TENM3: variants seen among roughly 807,000 people sequenced by gnomAD.
TENM3 encodes the protein teneurin-3.
TENM3 carries 63 observed loss-of-function variants against 255.1 expected under a neutral mutation model. The ratio of observed to expected loss-of-function variants is 0.25; its 90% confidence interval spans 0.20 to 0.30. The LOEUF (loss-of-function observed/expected upper bound fraction) is 0.30, where lower values mean the gene tolerates loss of function less well. Ranked by LOEUF, TENM3 falls within the 10% of genes least tolerant of loss-of-function variation. The probability of loss-of-function intolerance (pLI) is 1.00; values close to 1 mark genes in which losing one functional copy is unlikely to be tolerated. For synonymous variants in TENM3, 1,306 were observed against 1,322.3 expected (o/e 0.99, Z 0.27); for missense variants, 2,929 against 3,461.1 (o/e 0.85, Z 3.86).
At chr4:181,844,404 C>G in the TENM3 span, among the ~76,000 whole-genome samples, 1 of 152,120 alleles carries the variant, frequency 6.6e-6, no homozygotes, top group South Asian at 2.1e-4. Flanking sequence ...TGAATGTACT[C>G]ACGCCTGTAA....
the TENM3 span, among the ~76,000 whole-genome samples, chr4:181,584,569 A>G: frequency 6.6e-6 from 1 of 152,190 alleles, no homozygotes; most frequent in African/African-American, 2.4e-5. Context: ...AAAATATCCA[A>G]CTAAAATGTT....
At chr4:182,364,273 A>G (rs1171388925) in intron 3 of TENM3, among the ~76,000 whole-genome samples, 4 of 152,246 alleles carry the variant, frequency 2.6e-5, no homozygotes, top group Admixed American at 2.6e-4. Context: ...TTAGGATTTC[A>G]TGTTTATTGG....
chr4:181,666,526 T>C, the TENM3 span, among the ~76,000 whole-genome samples: 1 of 152,120 alleles, frequency 6.6e-6, no homozygotes, highest in Non-Finnish European at 1.5e-5. Flanking sequence ...AAAATGAACA[T>C]ATATTACTGA....
chr4:182,358,564 A>C (rs1470027275), intron 3 of TENM3, among the ~76,000 whole-genome samples: 2 of 152,152 alleles, frequency 1.3e-5, no homozygotes, highest in African/African-American at 4.8e-5. Flanking sequence ...TTGTAGATTG[A>C]TTTTGTATCC....
At chr4:182,022,544 A>G in the TENM3 span, among the ~76,000 whole-genome samples, 1 of 152,044 alleles carries the variant, frequency 6.6e-6, no homozygotes, top group Non-Finnish European at 1.5e-5. Flanking sequence ...AAAAAAAAAA[A>G]AAATCCAAAA....
At chr4:182,417,701 A>C (rs1371246340) in intron 3 of TENM3, among the ~76,000 whole-genome samples, 1 of 152,206 alleles carries the variant, frequency 6.6e-6, no homozygotes, top group East Asian at 1.9e-4. Flanking sequence ...TAGGACAACA[A>C]AAGATACTTT....
At chr4:181,538,718 C>T in the TENM3 span, among the ~76,000 whole-genome samples, 1 of 152,172 alleles carries the variant, frequency 6.6e-6, no homozygotes, top group Admixed American at 6.5e-5. Context: ...AAAATGCACT[C>T]AAGAACTGCA....
At chr4:182,794,593 C>G (rs1057497752) in intron 26 of TENM3, among the ~76,000 whole-genome samples, 2 of 152,232 alleles carry the variant, frequency 1.3e-5, no homozygotes, top group Non-Finnish European at 2.9e-5. Context: ...ATTGCCAGTG[C>G]AGTTCTTGCA....
the TENM3 span, among the ~76,000 whole-genome samples, chr4:182,100,132 C>T: frequency 6.6e-6 from 1 of 151,988 alleles, no homozygotes; most frequent in East Asian, 1.9e-4. Context: ...CCCAGATTCC[C>T]CTGAATCTGC....
At chr4:182,512,303 C>A (rs1737484134) in intron 3 of TENM3, among the ~76,000 whole-genome samples, 1 of 152,116 alleles carries the variant, frequency 6.6e-6, no homozygotes, top group Admixed American at 6.5e-5. Context: ...ACGGTAAAAG[C>A]AAAGGACCTC....
chr4:182,466,223 A>G lies in TENM3; in HGVS notation c.511+119294A>G, dbSNP rs546489744. 2.6e-5 allele frequency among the ~76,000 whole-genome samples: 4 copies of G among 152,302 alleles called. No individual in the cohort carries two copies. The South Asian group carries it at 8.3e-4, about 32-fold the overall frequency. ...TGCTCAGTCTGAGTGGCTTAAAACA[A>G]CAGAATTGTAGTCTCTCACAGTTTT... On this transcript the variant is annotated intron_variant, in intron 3 of 27. Transcript: ENST00000511685.
intron 3 of TENM3, among the ~76,000 whole-genome samples, chr4:182,586,861 G>A (rs1746069813): frequency 6.6e-6 from 1 of 151,914 alleles, no homozygotes; most frequent in Non-Finnish European, 1.5e-5. Flanking sequence ...TAATATGCTA[G>A]AAAAAAATAA....
the TENM3 span, among the ~76,000 whole-genome samples, chr4:181,707,313 GC>G: frequency 6.6e-6 from 1 of 152,102 alleles, no homozygotes; most frequent in Non-Finnish European, 1.5e-5. Flanking sequence ...TTTCTGCCGG[GC>G]CCATTTTTCT....
At chr4:182,590,908 T>G (rs905242866) in intron 3 of TENM3, among the ~76,000 whole-genome samples, 12 of 152,124 alleles carry the variant, frequency 7.9e-5, no homozygotes, top group African/African-American at 2.9e-4. Context: ...CTGGCAGACC[T>G]CCTCAGGAAA....
the TENM3 span, among the ~76,000 whole-genome samples, chr4:181,621,003 A>G: frequency 6.6e-6 from 1 of 152,176 alleles, no homozygotes; most frequent in South Asian, 2.1e-4. Context: ...AGCTAACTCT[A>G]TGGCACAGAC....
intron 3 of TENM3, among the ~76,000 whole-genome samples, chr4:182,433,800 A>T (rs935001763): frequency 2.6e-5 from 4 of 152,170 alleles, no homozygotes; most frequent in Non-Finnish European, 5.9e-5. Context: ...GGATAGTTAT[A>T]ATGAGATTTT....
At chr4:181,757,759 G>A in the TENM3 span, among the ~76,000 whole-genome samples, 7 of 152,218 alleles carry the variant, frequency 4.6e-5, no homozygotes, top group East Asian at 1.9e-4. Context: ...TCATGAGACC[G>A]ATGATTTAGA....
chr4:181,746,065 G>C, the TENM3 span, among the ~76,000 whole-genome samples: 2 of 152,160 alleles, frequency 1.3e-5, no homozygotes, highest in Non-Finnish European at 2.9e-5. Flanking sequence ...AGATAAGGGA[G>C]AGGGTGAGAG....
At chr4:181,618,505 G>C in the TENM3 span, among the ~76,000 whole-genome samples, 5 of 152,216 alleles carry the variant, frequency 3.3e-5, no homozygotes, top group Admixed American at 1.3e-4. Context: ...CAGTGTGGGA[G>C]TCTATTTTTG....
Sources: gnomAD v4.1 joint callset for allele counts (sites outside exome capture counted in the v4.1 genomes callset) on GRCh38, gnomAD v4.1.1 for gene constraint, MANE v1.5 for transcripts, NCBI Gene and HGNC (gene_info 2026-07-23, HGNC 2026-07-21) for gene names.